EXOC4: variants seen among roughly 807,000 people sequenced by gnomAD.
The protein encoded by EXOC4 is SEC8-like 1.
A neutral mutation model predicts 107.2 loss-of-function variants in EXOC4; 71 were observed. That is an observed-to-expected ratio of 0.66 (90% confidence interval 0.55 to 0.81). The LOEUF (loss-of-function observed/expected upper bound fraction) is 0.81, where lower values mean the gene tolerates loss of function less well. EXOC4 is among the 30% of genes least tolerant of loss of function. The probability of loss-of-function intolerance (pLI) is 0.00; values close to 1 mark genes in which losing one functional copy is unlikely to be tolerated. For missense variants in EXOC4, 1,108 were observed against 1,189.6 expected, an observed-to-expected ratio of 0.93 and a Z score of 1.01; for synonymous variants, 456 against 441.2, an observed-to-expected ratio of 1.03 and a Z score of -0.42.
chr7:133,613,755 G>T (rs754505954), intron 9 of EXOC4, among the ~76,000 whole-genome samples: 1 of 152,138 alleles, frequency 6.6e-6, no homozygotes, highest in Non-Finnish European at 1.5e-5. Flanking sequence ...AGCTGCATCA[G>T]TAGGCATGAA....
At chr7:133,886,528 A>G in intron 11 of EXOC4, among the ~76,000 whole-genome samples, 1 of 152,090 alleles carries the variant, frequency 6.6e-6, no homozygotes, top group East Asian at 1.9e-4. Flanking sequence ...TTATTACATC[A>G]ACTGTCCTGG....
intron 4 of EXOC4, among the ~76,000 whole-genome samples, chr7:133,310,323 A>G (rs964434167): frequency 2.0e-5 from 3 of 152,190 alleles, no homozygotes; most frequent in Admixed American, 2.0e-4. Flanking sequence ...ATCCTCACTT[A>G]ATGCCCTCAA....
At chr7:133,563,685 T>G (rs962783851) in intron 9 of EXOC4, among the ~76,000 whole-genome samples, 4 of 152,232 alleles carry the variant, frequency 2.6e-5, no homozygotes, top group Non-Finnish European at 5.9e-5. Flanking sequence ...TTGGTAAAAC[T>G]AGGCGGCATA....
chr7:133,832,365 G>T (rs915456157), intron 11 of EXOC4, among the ~76,000 whole-genome samples: 3 of 152,202 alleles, frequency 2.0e-5, no homozygotes, highest in African/African-American at 7.2e-5. Flanking sequence ...AGTTCTGTGA[G>T]TTTTGACAAT....
intron 10 of EXOC4, among the ~76,000 whole-genome samples, chr7:133,790,908 A>G (rs1796689372): frequency 6.6e-6 from 1 of 152,264 alleles, no homozygotes; most frequent in Non-Finnish European, 1.5e-5. Flanking sequence ...AAAGGCATTT[A>G]AACTCAACTC....
intron 10 of EXOC4, among the ~76,000 whole-genome samples, chr7:133,676,927 C>CTG (rs559035446): frequency 0.063 from 7,830 of 124,626 alleles, 332 homozygotes; most frequent in African/African-American, 0.088. Flanking sequence ...GTAGTAAACT[C>CTG]TGTGTGTGTG....
chr7:133,835,910 TA>T (rs1329238921), intron 11 of EXOC4, among the ~76,000 whole-genome samples: 3 of 152,324 alleles, frequency 2.0e-5, no homozygotes, highest in Non-Finnish European at 4.4e-5. Flanking sequence ...TTGACCAGAT[TA>T]ACTTCATGAT....
intron 9 of EXOC4, among the ~76,000 whole-genome samples, chr7:133,534,494 C>G (rs1345771433): frequency 6.6e-6 from 1 of 152,142 alleles, no homozygotes; most frequent in African/African-American, 2.4e-5. Context: ...GGATGGAAAT[C>G]ACAGCTCTGT....
At chr7:133,295,330 T>C (rs1418805572) in intron 3 of EXOC4, among the ~76,000 whole-genome samples, 1 of 152,130 alleles carries the variant, frequency 6.6e-6, no homozygotes, top group East Asian at 1.9e-4. Context: ...AACAATTCTG[T>C]GTTACATTTC....
intron 10 of EXOC4, among the ~76,000 whole-genome samples, chr7:133,768,824 G>A (rs1796189250): frequency 6.6e-6 from 1 of 151,876 alleles, no homozygotes; most frequent in Admixed American, 6.6e-5. Context: ...GTCTAGTGAA[G>A]GAGTCAGATG....
chr7:134,033,898 T>C (rs906399462), intron 17 of EXOC4, among the ~76,000 whole-genome samples: 11 of 152,234 alleles, frequency 7.2e-5, no homozygotes, highest in Non-Finnish European at 1.5e-4. Flanking sequence ...GATTTCAACC[T>C]AGAATTAGAC....
rs1430460045 is a variant in EXOC4 at position 133,630,285 on chromosome 7, A to G, written c.1514+144A>G. The G allele has an allele frequency of 3.6e-5, 22 of 606,732 alleles. No homozygotes were observed. In the Admixed American group the frequency reaches 6.0e-4, roughly 17 times the overall value. 37.6% of individuals were successfully genotyped at this position (606,732 alleles called of 1,614,324 possible). A position where few individuals can be genotyped will look rare whatever the true frequency, so the allele number is the denominator to read the frequency against. ...TTTTTAGGGCCTCACTATTAAAGTTAGTCAGTTTAGCAGATAATCTCAATC... is the reference window on the plus strand; with the variant it reads ...TTTTTAGGGCCTCACTATTAAAGTTGGTCAGTTTAGCAGATAATCTCAATC... On this transcript the variant is annotated intron_variant, in intron 10 of 17. Transcript: ENST00000253861.
chr7:133,287,380 G>A (rs534449108), intron 2 of EXOC4, among the ~76,000 whole-genome samples: 3 of 151,864 alleles, frequency 2.0e-5, no homozygotes, highest in South Asian at 2.1e-4. Context: ...GCACGATCTC[G>A]GCTCACTGCA....
intron 8 of EXOC4, 45 bp from the exon 9 acceptor site, chr7:133,480,005 A>G (rs1349848079): frequency 6.7e-7 from 1 of 1,494,372 alleles, no homozygotes; most frequent in Non-Finnish European, 9.3e-7. Context: ...TCAGCACTTA[A>G]TTGGTTTACA....
At chr7:133,872,767 CT>C (rs1254855452) in intron 11 of EXOC4, among the ~76,000 whole-genome samples, 2 of 152,176 alleles carry the variant, frequency 1.3e-5, no homozygotes, top group Admixed American at 1.3e-4. Flanking sequence ...CTTAAAATCC[CT>C]CCTAAGTAAC....
At chr7:133,933,190 T>A (rs1257391331) in intron 13 of EXOC4, among the ~76,000 whole-genome samples, 1 of 152,188 alleles carries the variant, frequency 6.6e-6, no homozygotes, top group East Asian at 1.9e-4. Context: ...TGTAATTGTG[T>A]GGTAAAATTA....
intron 7 of EXOC4, among the ~76,000 whole-genome samples, chr7:133,464,496 C>T (rs962376015): frequency 3.3e-5 from 5 of 152,100 alleles, no homozygotes; most frequent in Non-Finnish European, 7.4e-5. Flanking sequence ...TTCCCAGAAT[C>T]TTAGCACAAA....
At chr7:133,328,558 G>T (rs969897082) in intron 5 of EXOC4, among the ~76,000 whole-genome samples, 23 of 152,132 alleles carry the variant, frequency 1.5e-4, no homozygotes, top group African/African-American at 5.6e-4. Flanking sequence ...GCAGTGGTTG[G>T]TACTGGTTAT....
chr7:134,021,754 A>G (rs1250537997), intron 17 of EXOC4, among the ~76,000 whole-genome samples: 2 of 147,678 alleles, frequency 1.4e-5, no homozygotes, highest in Non-Finnish European at 3.0e-5. Flanking sequence ...AAAGTGGAGT[A>G]GGAGAGGCCA....
Sources: gnomAD v4.1 joint callset for allele counts (sites outside exome capture counted in the v4.1 genomes callset) on GRCh38, gnomAD v4.1.1 for gene constraint, MANE v1.5 for transcripts, NCBI Gene and HGNC (gene_info 2026-07-23, HGNC 2026-07-21) for gene names.